POC1B: variants seen among roughly 807,000 people sequenced by gnomAD.
The protein encoded by POC1B is POC1 centriolar protein homolog B.
In POC1B, 44 loss-of-function variants were observed where a neutral mutation model predicts 60.6. The ratio of observed to expected loss-of-function variants is 0.73; its 90% CI spans 0.57 to 0.93. The LOEUF (loss-of-function observed/expected upper bound fraction) is 0.93. POC1B is among the 40% of genes least tolerant of loss of function. POC1B has a pLI of 0.00. For missense variants in POC1B, 555 were observed against 572.3 expected (o/e 0.97, Z 0.31); for synonymous variants, 180 against 198.9 (o/e 0.90, Z 0.80).
chr12:89,437,492 T>C (rs1440753488), intron 10 of POC1B, among the ~76,000 whole-genome samples: 4 of 152,176 alleles, frequency 2.6e-5, no homozygotes, highest in Non-Finnish European at 5.9e-5. Context: ...TTCCTCTTAT[T>C]ATCAGGCAAA....
intron 10 of POC1B, among the ~76,000 whole-genome samples, chr12:89,450,458 G>A (rs1367759414): frequency 2.0e-5 from 3 of 152,038 alleles, no homozygotes; most frequent in African/African-American, 7.2e-5. Context: ...TGCCTGCCTC[G>A]GCCTCCCAAA....
intron 9 of POC1B, chr12:89,459,934 C>A (rs1478482178): frequency 1.0e-5 from 5 of 486,340 alleles, no homozygotes; most frequent in Non-Finnish European, 1.8e-5. Flanking sequence ...TGAATTCACC[C>A]CAGAAATAAA....
chr12:89,402,143 T>C, the POC1B span, among the ~76,000 whole-genome samples: 4 of 152,296 alleles, frequency 2.6e-5, no homozygotes, highest in South Asian at 2.1e-4. Flanking sequence ...CTTCTCTTTT[T>C]TGTTTCTCCC....
chr12:89,435,266 C>T (rs999727260), intron 10 of POC1B, among the ~76,000 whole-genome samples: 37 of 151,096 alleles, frequency 2.4e-4, no homozygotes, highest in African/African-American at 8.8e-4. Context: ...CTGCAACCTC[C>T]GCCTCCTGGG....
the POC1B span, among the ~76,000 whole-genome samples, chr12:89,413,825 A>G: frequency 6.6e-6 from 1 of 152,098 alleles, no homozygotes; most frequent in Admixed American, 6.5e-5. Context: ...CTACTTTTGA[A>G]ATGTTGATAT....
At chr12:89,503,078 TCTATCCCTATCC>T (rs150344164) in intron 2 of POC1B, among the ~76,000 whole-genome samples, 6 of 149,712 alleles carry the variant, frequency 4.0e-5, no homozygotes, top group Admixed American at 1.3e-4. Flanking sequence ...AAAAAAGACA[TCTATCCCTATCC>T]CTATCCCTAT....
chr12:89,484,998 C>T (rs1035759490), intron 4 of POC1B, among the ~76,000 whole-genome samples: 1 of 152,228 alleles, frequency 6.6e-6, no homozygotes, highest in South Asian at 2.1e-4. Flanking sequence ...CTGATTATAT[C>T]CTGACTTGGC....
intron 4 of POC1B, among the ~76,000 whole-genome samples, chr12:89,478,725 T>G (rs1883210293): frequency 6.6e-6 from 1 of 152,220 alleles, no homozygotes; most frequent in African/African-American, 2.4e-5. Context: ...TAAATTTTGT[T>G]ATATATATTT....
At chr12:89,409,285 G>C in the POC1B span, among the ~76,000 whole-genome samples, 1 of 152,262 alleles carries the variant, frequency 6.6e-6, no homozygotes, top group East Asian at 1.9e-4. Flanking sequence ...AATCCATCTT[G>C]AGTTAATTTT....
At chr12:89,495,915 C>G (rs1869222988) in intron 3 of POC1B, among the ~76,000 whole-genome samples, 1 of 152,078 alleles carries the variant, frequency 6.6e-6, no homozygotes, top group Non-Finnish European at 1.5e-5. Flanking sequence ...GTGCGTGACA[C>G]CACGCCTGGC....
chr12:89,406,714 G>T, the POC1B span, among the ~76,000 whole-genome samples: 13 of 151,988 alleles, frequency 8.6e-5, no homozygotes, highest in East Asian at 1.9e-4. Context: ...AACAAAGCAG[G>T]TTAGGGCCAT....
intron 4 of POC1B, chr12:89,472,495 G>A: frequency 2.6e-6 from 1 of 382,102 alleles, no homozygotes; most frequent in East Asian, 5.0e-5. Flanking sequence ...GACTAACCAA[G>A]TTGCTTTTTT....
intron 10 of POC1B, among the ~76,000 whole-genome samples, chr12:89,458,519 C>A (rs769388197): frequency 6.6e-6 from 1 of 152,098 alleles, no homozygotes; most frequent in Non-Finnish European, 1.5e-5. Context: ...TCGTTTTTGT[C>A]ACTGAAACTC....
intron 10 of POC1B, among the ~76,000 whole-genome samples, chr12:89,445,733 C>A (rs1303046811): frequency 6.6e-6 from 1 of 152,130 alleles, no homozygotes; most frequent in African/African-American, 2.4e-5. Flanking sequence ...AAAGCAATGG[C>A]AACAAAAGCC....
intron 2 of POC1B, chr12:89,522,866 T>C (rs768049777): frequency 1.9e-6 from 3 of 1,607,800 alleles, no homozygotes; most frequent in Non-Finnish European, 2.5e-6. Flanking sequence ...CAAGTTCTCA[T>C]TTGTACATCA....
At chr12:89,421,873 T>C (rs1032903931) in intron 11 of POC1B, among the ~76,000 whole-genome samples, 11 of 152,202 alleles carry the variant, frequency 7.2e-5, no homozygotes, top group Non-Finnish European at 1.5e-4. Flanking sequence ...ACGGTTTGAA[T>C]AATCCTGTAC....
chr12:89,467,011 T>C, intron 8 of POC1B, 89 bp from the exon 9 acceptor site: 1 of 1,056,230 alleles, frequency 9.5e-7, no homozygotes, highest in Non-Finnish European at 1.3e-6. Context: ...TACAGAATTG[T>C]CTCCCAAAGT....
chr12:89,436,523 G>T (rs564874343), intron 10 of POC1B, among the ~76,000 whole-genome samples: 85 of 152,178 alleles, frequency 5.6e-4, no homozygotes, highest in African/African-American at 1.9e-3. Flanking sequence ...AGACCAGCCT[G>T]GCCAACATGG....
intron 2 of POC1B, chr12:89,502,749 A>C (rs1869639013): frequency 7.4e-7 from 1 of 1,352,692 alleles, no homozygotes. Flanking sequence ...CAAGAAGAAA[A>C]GGGAAAGCAG....
Sources: gnomAD v4.1 joint callset for allele counts (sites outside exome capture counted in the v4.1 genomes callset) on GRCh38, gnomAD v4.1.1 for gene constraint, MANE v1.5 for transcripts, NCBI Gene and HGNC (gene_info 2026-07-23, HGNC 2026-07-21) for gene names.